Variants in AK5 observed in about 807,000 individuals in gnomAD.
The protein encoded by AK5 is adenylate kinase 5.
Under a neutral mutation model 69.5 loss-of-function variants are expected in AK5, and 27 were observed. The ratio of observed to expected loss-of-function variants is 0.39; its 90% CI spans 0.29 to 0.54. The LOEUF (loss-of-function observed/expected upper bound fraction) is 0.54. Among genes scored for constraint, AK5 ranks in the 20% least tolerant of loss-of-function variants. The pLI, the probability that AK5 is intolerant of heterozygous loss-of-function variation, is 0.71. For missense variants in AK5, 531 were observed against 700.4 expected (o/e 0.76, Z 2.73); for synonymous variants, 260 against 244.4 (o/e 1.06, Z -0.60).
At chr1:77,456,540 A>G (rs1402241802) in intron 8 of AK5, among the ~76,000 whole-genome samples, 1 of 152,244 alleles carries the variant, frequency 6.6e-6, no homozygotes, top group Non-Finnish European at 1.5e-5. Flanking sequence ...GGCAGAGAGC[A>G]TGTGCCAGGG....
At chr1:77,509,065 G>A (rs990883539) in intron 10 of AK5, among the ~76,000 whole-genome samples, 4 of 152,144 alleles carry the variant, frequency 2.6e-5, no homozygotes, top group Admixed American at 2.0e-4. Context: ...AGAATCACTC[G>A]ACTAGTTCAA....
chr1:77,423,215 C>G (rs1255570233), intron 8 of AK5, among the ~76,000 whole-genome samples: 2 of 85,890 alleles, frequency 2.3e-5, no homozygotes, highest in African/African-American at 1.0e-4. Flanking sequence ...AGCAAGACTC[C>G]GTCTAAAAAA....
intron 6 of AK5, among the ~76,000 whole-genome samples, chr1:77,403,770 G>T (rs1457656282): frequency 6.6e-6 from 1 of 152,130 alleles, no homozygotes; most frequent in Admixed American, 6.5e-5. Context: ...GGATTGACTT[G>T]GCAATGCGGG....
intron 10 of AK5, among the ~76,000 whole-genome samples, chr1:77,486,646 C>G (rs1042523026): frequency 6.6e-6 from 1 of 150,440 alleles, no homozygotes; most frequent in South Asian, 2.1e-4. Context: ...TGCAGTGAGC[C>G]GAGATCGCGC....
At position 77,558,856 on chromosome 1, in the gene AK5, G is replaced by GTATT; in HGVS notation, c.*188_*191dup. ...GAGGTGTCTGGAAATCATGCATGGTGTATTTGGGACTATATCAACCTATTC... is the reference window on the plus strand; with the variant it reads ...GAGGTGTCTGGAAATCATGCATGGTGTATTTATTTGGGACTATATCAACCTATTC... On this transcript the variant is annotated 3_prime_UTR_variant, in exon 14 of 14. Coordinates refer to ENST00000354567, the MANE Select transcript of AK5 (RefSeq NM_174858.3). 5.1e-6 allele frequency: 3 copies of GTATT among 586,574 alleles called. No individual in the cohort carries two copies. Among genetic ancestry groups the GTATT allele is most frequent in the South Asian group, 4.1e-5 (2 of 48,882 alleles). 36.3% of individuals were successfully genotyped at this position (586,574 alleles called of 1,614,324 possible).
chr1:77,367,300 A>G (rs1646967696), intron 6 of AK5, among the ~76,000 whole-genome samples: 1 of 151,216 alleles, frequency 6.6e-6, no homozygotes, highest in Non-Finnish European at 1.5e-5. Flanking sequence ...CCCAAGTCTA[A>G]ACATGAAATT....
At chr1:77,446,127 C>T (rs530276698) in intron 8 of AK5, among the ~76,000 whole-genome samples, 2 of 152,212 alleles carry the variant, frequency 1.3e-5, no homozygotes, top group African/African-American at 4.8e-5. Flanking sequence ...AATAAGAGTC[C>T]AATTTCACTC....
At chr1:77,298,033 G>T (rs1170420921) in intron 5 of AK5, 86 bp downstream of exon 5, 1 of 936,316 alleles carries the variant, frequency 1.1e-6, no homozygotes, top group Non-Finnish European at 1.6e-6. Context: ...TGGAAGACTT[G>T]CGATGCTTTT....
chr1:77,294,612 G>T (rs906177858), intron 3 of AK5, among the ~76,000 whole-genome samples: 1 of 151,832 alleles, frequency 6.6e-6, no homozygotes, highest in African/African-American at 2.4e-5. Context: ...AAATCTAATA[G>T]AATAGTGTTT....
intron 6 of AK5, among the ~76,000 whole-genome samples, chr1:77,351,591 A>G (rs988001595): frequency 6.6e-6 from 1 of 152,102 alleles, no homozygotes; most frequent in Non-Finnish European, 1.5e-5. Context: ...CATCCAGTCT[A>G]CCTTCCACAC....
chr1:77,477,329 G>A (rs1161367274), intron 8 of AK5, among the ~76,000 whole-genome samples: 1 of 152,084 alleles, frequency 6.6e-6, no homozygotes, highest in Non-Finnish European at 1.5e-5. Flanking sequence ...CATCTGGCCT[G>A]GTTGTTCTTT....
chr1:77,487,287 A>G (rs1304303270), intron 10 of AK5, among the ~76,000 whole-genome samples: 1 of 152,240 alleles, frequency 6.6e-6, no homozygotes, highest in Non-Finnish European at 1.5e-5. Flanking sequence ...GAATTTGTCC[A>G]AGATTATGAA....
At chr1:77,490,493 G>A (rs937377049) in intron 10 of AK5, among the ~76,000 whole-genome samples, 8 of 152,212 alleles carry the variant, frequency 5.3e-5, no homozygotes, top group Admixed American at 4.6e-4. Context: ...CCCGAAGAAA[G>A]CAGCTCAGTA....
chr1:77,334,931 T>C (rs771126432), intron 5 of AK5, among the ~76,000 whole-genome samples: 1 of 152,244 alleles, frequency 6.6e-6, no homozygotes, highest in Non-Finnish European at 1.5e-5. Context: ...ATTACCTCCA[T>C]GTTAAATGAT....
intron 10 of AK5, among the ~76,000 whole-genome samples, chr1:77,498,298 C>T (rs892098818): frequency 2.0e-5 from 3 of 152,204 alleles, no homozygotes; most frequent in East Asian, 1.9e-4. Context: ...CAGACGGTTA[C>T]GGGTGACTAG....
intron 6 of AK5, among the ~76,000 whole-genome samples, chr1:77,355,858 C>A (rs1488527241): frequency 7.5e-6 from 1 of 133,888 alleles, no homozygotes; most frequent in Admixed American, 8.2e-5. Context: ...TTTTGATGAC[C>A]CTCATTAAAT....
chr1:77,533,576 C>T (rs1658785865), intron 12 of AK5, among the ~76,000 whole-genome samples: 1 of 148,454 alleles, frequency 6.7e-6, no homozygotes, highest in Non-Finnish European at 1.5e-5. Flanking sequence ...GCCTGAGAGT[C>T]TATATTTCTA....
intron 10 of AK5, among the ~76,000 whole-genome samples, chr1:77,513,501 C>T (rs1225644163): frequency 6.6e-6 from 1 of 152,174 alleles, no homozygotes; most frequent in African/African-American, 2.4e-5. Context: ...ATGCTTAATT[C>T]CAGGTAACAT....
At chr1:77,443,886 A>G (rs1652496766) in intron 8 of AK5, among the ~76,000 whole-genome samples, 1 of 151,948 alleles carries the variant, frequency 6.6e-6, no homozygotes, top group Non-Finnish European at 1.5e-5. Flanking sequence ...ATTATAGTGG[A>G]ACAGATTGAC....
Sources: gnomAD v4.1 joint callset for allele counts (sites outside exome capture counted in the v4.1 genomes callset) on GRCh38, gnomAD v4.1.1 for gene constraint, MANE v1.5 for transcripts, NCBI Gene and HGNC (gene_info 2026-07-23, HGNC 2026-07-21) for gene names.